Variants in ROR1 observed in about 807,000 individuals in gnomAD.
ROR1 encodes the protein ROR family WNT receptor 1, also known as inactive tyrosine-protein kinase transmembrane receptor ROR1.
ROR1 carries 19 observed loss-of-function variants against 78.8 expected under a neutral mutation model. The observed-to-expected ratio is 0.24, with a 90% confidence interval of 0.17 to 0.35. ROR1 has a LOEUF of 0.35. ROR1 is among the 10% of genes least tolerant of loss of function. The pLI is 1.00. For synonymous variants in ROR1, 386 were observed against 433.6 expected (o/e 0.89, Z 1.36); for missense variants, 917 against 1,177.8 (o/e 0.78, Z 3.24).
chr1:63,869,334 A>C (rs1645236739), intron 1 of ROR1, among the ~76,000 whole-genome samples: 1 of 152,192 alleles, frequency 6.6e-6, no homozygotes, highest in Non-Finnish European at 1.5e-5. Context: ...AGGGAGTCTG[A>C]ATATACTGGT....
intron 1 of ROR1, among the ~76,000 whole-genome samples, chr1:63,934,832 C>G (rs1348405526): frequency 6.6e-6 from 1 of 152,110 alleles, no homozygotes; most frequent in Non-Finnish European, 1.5e-5. Context: ...GCCTTTCAGA[C>G]TGAGCCTGCC....
chr1:63,785,222 G>T (rs1644676732), intron 1 of ROR1, among the ~76,000 whole-genome samples: 1 of 152,192 alleles, frequency 6.6e-6, no homozygotes. Context: ...TCCAACTGGG[G>T]TGTTTCAAAG....
At position 64,082,720 on chromosome 1, in the gene ROR1, G is replaced by A. The variant is rs939949642; in HGVS notation, c.482+32004G>A. Among the ~76,000 whole-genome samples the A allele has an allele frequency of 2.6e-5, 4 of 152,206 alleles. No individual in the cohort carries two copies. In the South Asian group the frequency reaches 6.2e-4, roughly 24 times the overall value. ...TCTAGTAAGTAGGCAGTCCTTGCAC[G>A]TGGGCTCCCCACTAGGCTGACCCAG... On this transcript the variant is annotated intron_variant, in intron 4 of 8. Transcript: ENST00000371079.
chr1:63,959,293 A>G (rs137972963), intron 1 of ROR1, among the ~76,000 whole-genome samples: 61 of 145,764 alleles, frequency 4.2e-4, no homozygotes, highest in African/African-American at 1.6e-3. Context: ...GGTCCCTCCA[A>G]TGACACGTGG....
chr1:63,958,466 A>T (rs565215439), intron 1 of ROR1, among the ~76,000 whole-genome samples: 1 of 152,122 alleles, frequency 6.6e-6, no homozygotes. Flanking sequence ...TTAAGTGCAT[A>T]CTCTGAGTCC....
intron 2 of ROR1, among the ~76,000 whole-genome samples, chr1:64,029,549 A>G (rs1281931608): frequency 2.6e-5 from 4 of 152,214 alleles, no homozygotes; most frequent in Non-Finnish European, 5.9e-5. Flanking sequence ...TGGAAAGTCC[A>G]AGATCAAGGT....
intron 1 of ROR1, among the ~76,000 whole-genome samples, chr1:63,806,997 T>TTCC (rs1363442208): frequency 1.3e-5 from 2 of 152,216 alleles, no homozygotes; most frequent in Non-Finnish European, 2.9e-5. Flanking sequence ...CTTAATGTGA[T>TTCC]CAAGGTGTTC....
Position 63,774,177 on chromosome 1 carries a change from A to G in ROR1, c.-241A>G. 4.5e-6 allele frequency: 1 copy of G among 223,104 alleles called. No homozygotes were observed. Among genetic ancestry groups the G allele is most frequent in the Non-Finnish European group, 8.7e-6 (1 of 115,214 alleles). The allele number at this position is 223,104 out of a possible 1,614,324, so 13.8% of individuals were successfully genotyped here. A position where few individuals can be genotyped will look rare whatever the true frequency, so the allele number is the denominator to read the frequency against. On this transcript the variant is annotated 5_prime_UTR_variant, in exon 1 of 9. Coordinates refer to ENST00000371079, the MANE Select transcript of ROR1 (RefSeq NM_005012.4). This position sits in a 1 kb window ranked among gnomAD's most constrained non-coding sequence, Gnocchi z 5.7. ...GTGCGACCCGGACAGCCTGGGACTGACCCGCCGGCCCAGGCGAGGCTGCAG... is the reference window on the plus strand; with the variant it reads ...GTGCGACCCGGACAGCCTGGGACTGGCCCGCCGGCCCAGGCGAGGCTGCAG...
intron 1 of ROR1, among the ~76,000 whole-genome samples, chr1:63,804,236 T>C (rs966481072): frequency 1.3e-5 from 2 of 152,060 alleles, no homozygotes; most frequent in African/African-American, 4.8e-5. Context: ...CATGAACCTA[T>C]ATGTGATAAA....
At chr1:64,092,763 A>G (rs1647211603) in intron 4 of ROR1, among the ~76,000 whole-genome samples, 1 of 152,210 alleles carries the variant, frequency 6.6e-6, no homozygotes, top group South Asian at 2.1e-4. Context: ...ATCTTCCTTT[A>G]CAGAAATAAT....
chr1:64,077,612 C>T (rs1647061864), intron 4 of ROR1, among the ~76,000 whole-genome samples: 1 of 152,224 alleles, frequency 6.6e-6, no homozygotes, highest in Non-Finnish European at 1.5e-5. Context: ...CGGGGCAACC[C>T]TGGCCCACAA....
rs957716422 is a variant in ROR1 at position 64,178,490 on chromosome 1, A to G, written c.2449A>G (p.Ile817Val). 5.6e-6 allele frequency: 9 copies of G among 1,614,186 alleles called. No homozygotes were observed. The highest frequency in any genetic ancestry group is 6.8e-6 in the Non-Finnish European group (8 of 1,180,042). The change falls in exon 9 of 9, where the codon ATT (isoleucine) becomes GTT (valine). Residue 817 changes from isoleucine to valine, a missense_variant. Coordinates refer to ENST00000371079, the MANE Select transcript of ROR1 (RefSeq NM_005012.4). This position sits in a 1 kb window ranked among gnomAD's most constrained non-coding sequence, Gnocchi z 4.3. Reference protein sequence around the residue: ...GPPIPQNQRFIPINGYPIPPG... With the variant: ...GPPIPQNQRFVPINGYPIPPG... Reference sequence around the variant, plus strand: ...GCCAATACCTCAGAACCAGCGATTCATTCCCATCAATGGATACCCAATACC... The same window carrying G: ...GCCAATACCTCAGAACCAGCGATTCGTTCCCATCAATGGATACCCAATACC...
chr1:63,855,612 C>T (rs768037662), intron 1 of ROR1, among the ~76,000 whole-genome samples: 46 of 150,886 alleles, frequency 3.0e-4, no homozygotes, highest in Middle Eastern at 7.0e-3. Flanking sequence ...TATTTTTCAT[C>T]GCATACATTG....
chr1:63,834,168 G>A (rs1421110146), intron 1 of ROR1, among the ~76,000 whole-genome samples: 1 of 149,350 alleles, frequency 6.7e-6, no homozygotes, highest in East Asian at 2.0e-4. Context: ...TCTCGGTGGA[G>A]CTGAGATGGA....
intron 1 of ROR1, among the ~76,000 whole-genome samples, chr1:64,004,914 T>G (rs916394147): frequency 6.6e-6 from 1 of 152,062 alleles, no homozygotes; most frequent in Admixed American, 6.5e-5. Flanking sequence ...GAATAGCTTT[T>G]GAGGTTTGCC....
intron 1 of ROR1, among the ~76,000 whole-genome samples, chr1:63,925,621 G>T (rs1645696275): frequency 6.6e-6 from 1 of 151,728 alleles, no homozygotes; most frequent in African/African-American, 2.4e-5. Flanking sequence ...CTAGTTTACA[G>T]TCCCACCAAC....
chr1:64,002,259 G>A (rs1050809708), intron 1 of ROR1, among the ~76,000 whole-genome samples: 3 of 150,676 alleles, frequency 2.0e-5, no homozygotes, highest in South Asian at 4.2e-4. Flanking sequence ...TCAGCCTCCC[G>A]AGTAGCTGGG....
At chr1:63,924,132 A>C (rs1412149796) in intron 1 of ROR1, among the ~76,000 whole-genome samples, 1 of 152,164 alleles carries the variant, frequency 6.6e-6, no homozygotes, top group Non-Finnish European at 1.5e-5. Flanking sequence ...TTAGAGAACC[A>C]CCTGACCTCT....
intron 1 of ROR1, among the ~76,000 whole-genome samples, chr1:63,878,065 A>T (rs988793849): frequency 1.3e-5 from 2 of 152,140 alleles, no homozygotes; most frequent in African/African-American, 4.8e-5. Flanking sequence ...GCTCAATCAC[A>T]TGCCATCTTT....
Sources: allele counts gnomAD v4.1 joint callset (sites outside exome capture counted in the v4.1 genomes callset), GRCh38; gene constraint gnomAD v4.1.1; non-coding constraint Gnocchi (gnomAD v3.1); transcripts MANE v1.5; gene names NCBI Gene and HGNC (gene_info 2026-07-23, HGNC 2026-07-21).